CARD10: variants seen among roughly 807,000 people sequenced by gnomAD.
CARD10 encodes caspase recruitment domain family member 10.
In CARD10, 49 loss-of-function variants were observed where a neutral mutation model predicts 114.6. The observed-to-expected ratio is 0.43, with a 90% CI of 0.34 to 0.54. The LOEUF (loss-of-function observed/expected upper bound fraction) is 0.54, where lower values mean the gene tolerates loss of function less well. Ranked by LOEUF, CARD10 falls within the 20% of genes least tolerant of loss-of-function variation. The pLI, the probability that CARD10 is intolerant of heterozygous loss-of-function variation, is 0.03. For synonymous variants in CARD10, 602 were observed against 593.2 expected (o/e 1.01, Z -0.21); for missense variants, 1,206 against 1,397.2 (o/e 0.86, Z 2.18).
At chr22:37,516,436 G>A (rs1455315039) in intron 2 of CARD10, 138 bp from the exon 3 acceptor site, 5 of 625,510 alleles carry the variant, frequency 8.0e-6, no homozygotes, top group African/African-American at 5.6e-5. Context: ...TGGGAGCAGG[G>A]GAGGTCTTCC....
chr22:37,500,082 T>A lies in CARD10; in HGVS notation c.1787+2520A>T, dbSNP rs184355034. On this transcript the variant is annotated intron_variant, in intron 11 of 19. Transcript: ENST00000251973. ...AGGGCCCCGTGGGAAGATATCTGAGTAGTCTGCGTGCCTGCTTGGTACCAG... is the reference window on the plus strand; with the variant it reads ...AGGGCCCCGTGGGAAGATATCTGAGAAGTCTGCGTGCCTGCTTGGTACCAG... Among the ~76,000 whole-genome samples the A allele has an allele frequency of 3.3e-5, 5 of 152,260 alleles. No individual in the cohort carries two copies. The East Asian group carries it at 9.7e-4, about 29-fold the overall frequency.
At chr22:37,518,599 A>G (rs1014528294) in intron 1 of CARD10, among the ~76,000 whole-genome samples, 3 of 152,176 alleles carry the variant, frequency 2.0e-5, no homozygotes, top group Non-Finnish European at 4.4e-5. Flanking sequence ...AGAGGAGGGG[A>G]CAGACAGAAC....
chr22:37,506,918 C>T (rs1601814819), intron 6 of CARD10, among the ~76,000 whole-genome samples: 2 of 152,324 alleles, frequency 1.3e-5, no homozygotes, highest in East Asian at 3.9e-4. Flanking sequence ...TGAATCAGAA[C>T]GTCCAGAGAA....
rs1191690024 is a variant in CARD10, at chr22:37,494,070, G to A, written c.2476+16C>T. The A allele has an allele frequency of 2.0e-6, 3 of 1,518,206 alleles. No homozygotes were observed. The African/African-American group carries it at 4.1e-5, about 21-fold the overall frequency. The allele number at this position is 1,518,206 out of a possible 1,614,324, so 94.0% of individuals were successfully genotyped here. ...TGGGAGCAACACGGGATACAGCTTT[G>A]CCCCCGCGCACTCACCTGCACAGGG... On this transcript the variant is annotated intron_variant, in intron 16 of 19. Transcript: ENST00000251973.
At chr22:37,509,027 A>G (rs573204594) in intron 4 of CARD10, 4 of 1,550,150 alleles carry the variant, frequency 2.6e-6, no homozygotes, top group African/African-American at 1.4e-5. Flanking sequence ...CAGCAGACGG[A>G]GGCCATTCCC....
At chr22:37,510,847 G>T (rs1260913648) in intron 3 of CARD10, among the ~76,000 whole-genome samples, 1 of 152,144 alleles carries the variant, frequency 6.6e-6, no homozygotes, top group African/African-American at 2.4e-5. Flanking sequence ...GGCTGAGGCG[G>T]GCCCTCAGTG....
chr22:37,518,933 C>A, intron 1 of CARD10, 33 bp downstream of exon 1: 2 of 1,496,818 alleles, frequency 1.3e-6, no homozygotes, highest in East Asian at 2.5e-5. Context: ...ACGGCCGGCC[C>A]AGGTCGTGGC....
chr22:37,511,357 CAAAAAAAA>C (rs1169625822), intron 3 of CARD10, among the ~76,000 whole-genome samples: 2 of 65,820 alleles, frequency 3.0e-5, no homozygotes, highest in Non-Finnish European at 5.3e-5. Context: ...GACCCTGTCT[CAAAAAAAA>C]AAAAAAAAAA....
intron 3 of CARD10, among the ~76,000 whole-genome samples, chr22:37,515,201 A>G (rs1923795404): frequency 1.3e-5 from 2 of 152,232 alleles, no homozygotes; most frequent in Admixed American, 6.5e-5. Context: ...TAATAATATC[A>G]ACAATGGCTA....
At chr22:37,493,321 T>TTCCCTGGTCCCCAGACATCAGGG (rs1922874304) in intron 16 of CARD10, among the ~76,000 whole-genome samples, 2 of 152,174 alleles carry the variant, frequency 1.3e-5, no homozygotes, top group Admixed American at 1.3e-4. Flanking sequence ...AGGTCACACC[T>TTCCCTGGTCCCCAGACATCAGGG]TCCCTGGTCC....
chr22:37,507,176 C>A (rs1923441920), intron 6 of CARD10, among the ~76,000 whole-genome samples: 1 of 152,210 alleles, frequency 6.6e-6, no homozygotes, highest in African/African-American at 2.4e-5. Context: ...ACTTGGGAGG[C>A]TGAGGCAGGA....
chr22:37,516,684 A>T (rs1021904755), intron 2 of CARD10, among the ~76,000 whole-genome samples: 3 of 152,248 alleles, frequency 2.0e-5, no homozygotes, highest in African/African-American at 7.2e-5. Context: ...AAATAAAAAT[A>T]GTTAATAAAT....
chr22:37,516,194 G>A lies in CARD10; in HGVS notation c.478C>T (p.Arg160Trp), dbSNP rs919323160. 11 of 1,593,748 alleles carry A rather than the reference G, an allele frequency of 6.9e-6. No homozygotes were observed. The highest frequency in any genetic ancestry group is 2.3e-5 in the East Asian group (1 of 44,120). Residue 160 changes from arginine (R) to tryptophan (W), a missense_variant, in exon 3 of 20, where the codon CGG becomes TGG. Coordinates refer to ENST00000251973, the MANE Select transcript of CARD10 (RefSeq NM_014550.4). ...QLQREQQLQA[R>W]GRVLEEERAG... The stretch of plus-strand genomic sequence containing the variant: ...CGCTCCTCCTCGAGCACCCGGCCCC[G>A]GGCCTGCAGTTGCTGCTCCCGCTGC...
intron 3 of CARD10, among the ~76,000 whole-genome samples, chr22:37,513,435 T>C (rs1319179034): frequency 1.3e-5 from 2 of 151,994 alleles, no homozygotes; most frequent in Non-Finnish European, 2.9e-5. Flanking sequence ...GTCCCTAAAA[T>C]AGGAAAAAGC....
In CARD10 at chr22:37,501,442, A is replaced by G. The variant is rs1923209357; in HGVS notation, c.1787+1160T>C. On this transcript the variant is annotated intron_variant, in intron 11 of 19. Coordinates refer to ENST00000251973, the MANE Select transcript of CARD10 (RefSeq NM_014550.4). This position sits in a 1 kb window ranked among gnomAD's most constrained non-coding sequence, Gnocchi z 5.4. ...AGAAGCACGTCCTGCACAGGCAAAAACAATGTCTCGCTGAGCCCACTGCCG... is the reference window on the plus strand; with the variant it reads ...AGAAGCACGTCCTGCACAGGCAAAAGCAATGTCTCGCTGAGCCCACTGCCG... 6.6e-6 allele frequency among the ~76,000 whole-genome samples: 1 copy of G among 151,648 alleles called. No individual in the cohort carries two copies. Among genetic ancestry groups the G allele is most frequent in the Non-Finnish European group, 1.5e-5 (1 of 67,870 alleles).
At chr22:37,515,329 G>A (rs796984639) in intron 3 of CARD10, among the ~76,000 whole-genome samples, 17 of 152,226 alleles carry the variant, frequency 1.1e-4, no homozygotes, top group African/African-American at 3.6e-4. Flanking sequence ...TTGGGAGGCC[G>A]AGGCGGGCAG....
chr22:37,496,701 C>A lies in CARD10; in HGVS notation c.1948-141G>T. ...CCCCCTCAGAAACTGCCATGCCCAGCCCAGTCAGACCCGTCCCCATCCACA... is the reference window on the plus strand; with the variant it reads ...CCCCCTCAGAAACTGCCATGCCCAGACCAGTCAGACCCGTCCCCATCCACA... On this transcript the variant is annotated intron_variant, in intron 12 of 19. Coordinates refer to ENST00000251973, the MANE Select transcript of CARD10 (RefSeq NM_014550.4). The surrounding 1 kb of genome is among the most constrained non-coding windows in gnomAD (Gnocchi z 4.1). 1.4e-6 allele frequency: 1 copy of A among 695,324 alleles called. No individual in the cohort carries two copies. Among genetic ancestry groups the A allele is most frequent in the Non-Finnish European group, 2.5e-6 (1 of 403,600 alleles). The allele number at this position is 695,324 out of a possible 1,614,324, so 43.1% of individuals were successfully genotyped here. A position where few individuals can be genotyped will look rare whatever the true frequency, so the allele number is the denominator to read the frequency against.
intron 16 of CARD10, among the ~76,000 whole-genome samples, chr22:37,493,351 G>A (rs770888507): frequency 1.3e-5 from 2 of 152,160 alleles, no homozygotes; most frequent in Non-Finnish European, 1.5e-5. Flanking sequence ...AGGGCCCCTG[G>A]CATGTGCCCC....
chr22:37,519,017 C>A lies in CARD10; in HGVS notation c.184G>T (p.Glu62Ter). Residue 62 changes from glutamate (E) to a stop codon, truncating the protein, a stop_gained, in exon 1 of 20, where the codon GAG (glutamate) becomes TAG (stop). Coordinates refer to ENST00000251973, the MANE Select transcript of CARD10 (RefSeq NM_014550.4). LOFTEE classifies it high-confidence loss of function. The surrounding 1 kb of genome is among the most constrained non-coding windows in gnomAD (Gnocchi z 4.1). ...RQCRVIDEQD[E>*]EEVLSTYRFP... ...CGGTAGGTGCTCAGCACCTCCTCCTCGTCCTGCTCGTCGATGACCCGGCAC... is the reference window on the plus strand; with the variant it reads ...CGGTAGGTGCTCAGCACCTCCTCCTAGTCCTGCTCGTCGATGACCCGGCAC... The A allele has an allele frequency of 6.3e-7, 1 of 1,592,948 alleles. No individual in the cohort carries two copies. The highest frequency in any genetic ancestry group is 8.5e-7 in the Non-Finnish European group (1 of 1,176,078).
Sources: allele counts gnomAD v4.1 joint callset (sites outside exome capture counted in the v4.1 genomes callset), GRCh38; gene constraint gnomAD v4.1.1; non-coding constraint Gnocchi (gnomAD v3.1); transcripts MANE v1.5; gene names NCBI Gene and HGNC (gene_info 2026-07-23, HGNC 2026-07-21).